The following ADCK5 variants were observed in gnomAD, a reference collection of about 807,000 sequenced individuals.
The protein encoded by ADCK5 is uncharacterized aarF domain-containing protein kinase 5.
A neutral mutation model predicts 64.9 loss-of-function variants in ADCK5; 43 were observed. The ratio of observed to expected loss-of-function variants is 0.66; its 90% CI spans 0.52 to 0.85. The LOEUF (loss-of-function observed/expected upper bound fraction) is 0.85. Ranked by LOEUF, ADCK5 falls within the 40% of genes least tolerant of loss-of-function variation. ADCK5 has a pLI of 0.00. For missense variants in ADCK5, 760 were observed against 810.5 expected (o/e 0.94, Z 0.76); for synonymous variants, 434 against 342.8 (o/e 1.27, Z -2.94).
At position 144,384,793 on chromosome 8, in the gene ADCK5, G is replaced by T. The variant is rs1819837890; in HGVS notation, c.266+1563G>T. On this transcript the variant is annotated intron_variant, in intron 3 of 14. Transcript: ENST00000308860. The surrounding 1 kb of genome is among the most constrained non-coding windows in gnomAD (Gnocchi z 5.7). ...TGAGCCTGCGTTTTGGGCTCACTTTGTGGGAAAACATCTTCTCACAGCTCG... is the reference window on the plus strand; with the variant it reads ...TGAGCCTGCGTTTTGGGCTCACTTTTTGGGAAAACATCTTCTCACAGCTCG... Among the ~76,000 whole-genome samples, 1 of 152,204 alleles carries T rather than the reference G, an allele frequency of 6.6e-6. No individual in the cohort carries two copies. The highest frequency in any genetic ancestry group is 6.5e-5 in the Admixed American group (1 of 15,280).
intron 3 of ADCK5, among the ~76,000 whole-genome samples, chr8:144,383,471 A>G (rs1586584040): frequency 6.6e-6 from 1 of 152,092 alleles, no homozygotes; most frequent in African/African-American, 2.4e-5. Context: ...GGTCCTCCAC[A>G]TTGGATGCAG....
chr8:144,379,525 C>G, intron 2 of ADCK5, 35 bp downstream of exon 2: 1 of 1,518,510 alleles, frequency 6.6e-7, no homozygotes. Context: ...GCCTCTCACC[C>G]AGGCAGGCAT....
intron 3 of ADCK5, among the ~76,000 whole-genome samples, chr8:144,387,210 T>C (rs1394306983): frequency 6.6e-6 from 1 of 152,178 alleles, no homozygotes; most frequent in Non-Finnish European, 1.5e-5. Flanking sequence ...TCAGTGTGGG[T>C]TTGTCTGATG....
upstream of ADCK5, chr8:144,373,901 C>T (rs1257390779): frequency 1.2e-5 from 7 of 561,870 alleles, no homozygotes; most frequent in African/African-American, 1.4e-4. Flanking sequence ...AGGTAAGCCT[C>T]TGGGGGCCGC....
Position 144,383,205 on chromosome 8 carries a change from G to A in ADCK5, c.241G>A (p.Val81Met), listed in dbSNP as rs1554858665. Residue 81 changes from valine (V) to methionine (M), a missense_variant, in exon 3 of 15, where the codon GTG becomes ATG. By Grantham distance (21) the Val-to-Met change is conservative. Transcript: ENST00000308860. Reference sequence around the variant, plus strand: ...GGAGAAGAGGAGGATGCGGCTCGTGGTGGATGGCATGGGGCGCTTTGGCAG... The same window carrying A: ...GGAGAAGAGGAGGATGCGGCTCGTGATGGATGGCATGGGGCGCTTTGGCAG... ...AREKRRMRLV[V>M]DGMGRFGRSL... is the part of the protein sequence containing the mutation. 6.3e-7 allele frequency: 1 copy of A among 1,594,628 alleles called. No homozygotes were observed.
intron 2 of ADCK5, among the ~76,000 whole-genome samples, chr8:144,380,450 C>A (rs1819560845): frequency 6.7e-6 from 1 of 149,534 alleles, no homozygotes; most frequent in Non-Finnish European, 1.5e-5. Context: ...GGATTATGGG[C>A]TGGGTGTAGA....
At chr8:144,375,884 G>A (rs1819343222) in intron 1 of ADCK5, among the ~76,000 whole-genome samples, 1 of 152,208 alleles carries the variant, frequency 6.6e-6, no homozygotes, top group Non-Finnish European at 1.5e-5. Context: ...GAAGGCCCTG[G>A]GGACCCACCG....
At chr8:144,388,493 G>A (rs782817440) in intron 3 of ADCK5, among the ~76,000 whole-genome samples, 27 of 152,010 alleles carry the variant, frequency 1.8e-4, no homozygotes, top group East Asian at 1.4e-3. Context: ...AGCCGGGCAC[G>A]GTGGCTCACG....
chr8:144,375,738 G>A, intron 1 of ADCK5: 1 of 818,724 alleles, frequency 1.2e-6, no homozygotes, highest in Non-Finnish European at 1.5e-6. Flanking sequence ...CAGACAGACT[G>A]CACACACTCA....
At position 144,376,911 on chromosome 8, in the gene ADCK5, C is replaced by A. The variant is rs1203342266; in HGVS notation, c.13-2476C>A. 2.0e-5 allele frequency among the ~76,000 whole-genome samples: 3 copies of A among 152,230 alleles called. No homozygotes were observed. The highest frequency in any genetic ancestry group is 7.2e-5 in the African/African-American group (3 of 41,458). The stretch of plus-strand genomic sequence containing the variant: ...TCAGCACTTGCTGCATGTGACCTCG[C>A]CAAGCAGGGGTTTCTGTCAACCCGC... On this transcript the variant is annotated intron_variant, in intron 1 of 14. Transcript: ENST00000308860. This position sits in a 1 kb window ranked among gnomAD's most constrained non-coding sequence, Gnocchi z 5.1.
At chr8:144,390,531 C>A in intron 3 of ADCK5, 140 bp from the exon 4 acceptor site, 2 of 893,324 alleles carry the variant, frequency 2.2e-6, no homozygotes, top group South Asian at 1.5e-5. Context: ...CGGCTGTAGG[C>A]TGGACCCTGG....
At chr8:144,391,535 C>T in intron 7 of ADCK5, 45 bp from the exon 8 acceptor site, 1 of 1,584,770 alleles carries the variant, frequency 6.3e-7, no homozygotes, top group Admixed American at 1.8e-5. Flanking sequence ...CTGGTAGGAG[C>T]AGCTGGTAGG....
intron 3 of ADCK5, among the ~76,000 whole-genome samples, chr8:144,387,155 T>C (rs536226801): frequency 6.6e-6 from 1 of 152,334 alleles, no homozygotes; most frequent in Admixed American, 6.5e-5. Flanking sequence ...CTAAAATAAT[T>C]ACCATCTCAT....
intron 1 of ADCK5, 34 bp downstream of exon 1, chr8:144,374,141 C>A (rs946049328): frequency 1.6e-6 from 2 of 1,248,350 alleles, no homozygotes; most frequent in East Asian, 6.3e-5. Flanking sequence ...CGCCCGAGAT[C>A]CTGCACACCA....
At chr8:144,383,281 G>C (rs782167136) in intron 3 of ADCK5, 51 bp downstream of exon 3, 1 of 1,502,502 alleles carries the variant, frequency 6.7e-7, no homozygotes, top group African/African-American at 1.4e-5. Context: ...GGCGGGGTGT[G>C]TGCGGTGCAG....
rs1409813335 is a variant in ADCK5, at chr8:144,381,047, G to A, written c.116+1557G>A. Among the ~76,000 whole-genome samples, 550 of 150,114 alleles carry A rather than the reference G, an allele frequency of 3.7e-3. 2 individuals carry two copies. Among genetic ancestry groups the A allele is most frequent in the Non-Finnish European group, 4.8e-3 (323 of 67,302 alleles). On this transcript the variant is annotated intron_variant, in intron 2 of 14. Coordinates refer to ENST00000308860, the MANE Select transcript of ADCK5 (RefSeq NM_174922.5). Reference sequence around the variant, plus strand: ...CTCCCGCAGTCAGGATTATGTGCCGGGTGTAGAAACAGATGTGTGCTCAGG... The same window carrying A: ...CTCCCGCAGTCAGGATTATGTGCCGAGTGTAGAAACAGATGTGTGCTCAGG...
intron 1 of ADCK5, among the ~76,000 whole-genome samples, chr8:144,375,174 TCCCCAG>T (rs1819313987): frequency 6.6e-6 from 1 of 152,162 alleles, no homozygotes; most frequent in South Asian, 2.1e-4. Flanking sequence ...ACTCAGTCCC[TCCCCAG>T]CCCCAGCGAG....
chr8:144,380,698 C>T (rs1586578564), intron 2 of ADCK5, among the ~76,000 whole-genome samples: 13 of 119,620 alleles, frequency 1.1e-4, no homozygotes, highest in South Asian at 3.5e-4. Context: ...GCTCAGGCAC[C>T]TGCCGCACTA....
Position 144,392,430 on chromosome 8 carries a change from TCCCTCCCTCCCC to T in ADCK5, c.1268-14_1268-3del, listed in dbSNP as rs1239501914. 1 of 232,092 alleles carries T rather than the reference TCCCTCCCTCCCC, an allele frequency of 4.3e-6. No individual in the cohort carries two copies. Among genetic ancestry groups the T allele is most frequent in the Non-Finnish European group, 7.5e-6 (1 of 133,388 alleles). The allele number at this position is 232,092 out of a possible 1,614,324, so 14.4% of individuals were successfully genotyped here. A position where few individuals can be genotyped will look rare whatever the true frequency, so the allele number is the denominator to read the frequency against. ...ACTCAGAGCCCCCTCCCTCCCTCCCTCCCTCCCTCCCCAGACTACCTCCTGTTCGCCGAGATG... is the reference window on the plus strand; with the variant it reads ...ACTCAGAGCCCCCTCCCTCCCTCCCTAGACTACCTCCTGTTCGCCGAGATG... On this transcript the variant is annotated splice_region_variant and splice_polypyrimidine_tract_variant and intron_variant, in intron 12 of 14. Coordinates refer to ENST00000308860, the MANE Select transcript of ADCK5 (RefSeq NM_174922.5).
Sources: allele counts gnomAD v4.1 joint callset (sites outside exome capture counted in the v4.1 genomes callset), GRCh38; gene constraint gnomAD v4.1.1; non-coding constraint Gnocchi (gnomAD v3.1); transcripts MANE v1.5; gene names NCBI Gene and HGNC (gene_info 2026-07-23, HGNC 2026-07-21).